PAM: variants seen among roughly 807,000 people sequenced by gnomAD.
PAM encodes the protein peptidyl-glycine alpha-amidating monooxygenase.
In PAM, 72 loss-of-function variants were observed where a neutral mutation model predicts 122.1. The ratio of observed to expected loss-of-function variants is 0.59; its 90% CI spans 0.49 to 0.72. PAM has a LOEUF of 0.72. Among genes scored for constraint, PAM ranks in the 30% least tolerant of loss-of-function variants. The pLI is 0.00. For missense variants in PAM, 1,106 were observed against 1,183.7 expected (o/e 0.93, Z 0.96); for synonymous variants, 389 against 404.4 (o/e 0.96, Z 0.46).
At chr5:103,018,998 G>A (rs1373617482) in intron 22 of PAM, among the ~76,000 whole-genome samples, 2 of 152,198 alleles carry the variant, frequency 1.3e-5, no homozygotes, top group Non-Finnish European at 2.9e-5. Flanking sequence ...AGGAGGCAGA[G>A]CTCAGGTGGT....
At position 103,025,319 on chromosome 5, in the gene PAM, T is replaced by C. The variant is rs983638051; in HGVS notation, c.2674T>C (p.Ser892Pro). The part of the protein sequence containing the change: ...AIAIFIRWKK[S>P]RAFGDSEHKL... ...TGCCATATTTATTCGGTGGAAAAAA[T>C]CAAGGGCCTTTGGAGGCAAGTAAAA... Residue 892 changes from serine (S) to proline (P), a missense_variant, in exon 24 of 26, where the codon TCA becomes CCA. By Grantham distance (74) the Ser-to-Pro change is moderately conservative. Coordinates refer to ENST00000438793, the MANE Select transcript of PAM (RefSeq NM_001177306.2). 6.2e-7 allele frequency: 1 copy of C among 1,613,344 alleles called. No homozygotes were observed. The highest frequency in any genetic ancestry group is 1.3e-5 in the African/African-American group (1 of 74,822).
In PAM at chr5:103,025,061, G is replaced by GT. The variant is rs145927719; in HGVS notation, c.2486-69dup. 1.8e-3 allele frequency: 1,825 copies of GT among 1,022,696 alleles called. 19 individuals carry two copies. In the African/African-American group the frequency reaches 0.025, roughly 14 times the overall value. The allele number at this position is 1,022,696 out of a possible 1,614,324, so 63.4% of individuals were successfully genotyped here. A position where few individuals can be genotyped will look rare whatever the true frequency, so the allele number is the denominator to read the frequency against. The stretch of plus-strand genomic sequence containing the variant: ...TGTGAACAGTTATTGATTTGACTGG[G>GT]TAGGGGTGGGTAAGGGGGTTTTGAA... On this transcript the variant is annotated intron_variant, in intron 23 of 25. Transcript: ENST00000438793.
At chr5:102,774,090 C>T (rs1756509784) in intron 1 of PAM, among the ~76,000 whole-genome samples, 1 of 152,074 alleles carries the variant, frequency 6.6e-6, no homozygotes, top group Admixed American at 6.6e-5. Flanking sequence ...TGTATCCCAC[C>T]ACATTTTCTT....
chr5:102,874,626 T>C (rs963078643), intron 3 of PAM, among the ~76,000 whole-genome samples: 27 of 151,978 alleles, frequency 1.8e-4, no homozygotes, highest in African/African-American at 6.3e-4. Flanking sequence ...CAATCAATTT[T>C]GAGTATGTTT....
intron 1 of PAM, among the ~76,000 whole-genome samples, chr5:102,854,199 G>T (rs997069827): frequency 6.6e-6 from 1 of 152,224 alleles, no homozygotes; most frequent in Admixed American, 6.5e-5. Flanking sequence ...TACATGGAAA[G>T]TATTTAAAAT....
At chr5:102,838,884 A>G (rs1777789667) in intron 1 of PAM, among the ~76,000 whole-genome samples, 1 of 152,170 alleles carries the variant, frequency 6.6e-6, no homozygotes, top group Non-Finnish European at 1.5e-5. Flanking sequence ...GGATTAACTA[A>G]TATGTAATAA....
intron 1 of PAM, among the ~76,000 whole-genome samples, chr5:102,759,923 A>T (rs985445635): frequency 6.6e-6 from 1 of 152,164 alleles, no homozygotes; most frequent in African/African-American, 2.4e-5. Context: ...TTGGAAGCTT[A>T]CCGTGGTCAT....
At chr5:102,925,538 G>T (rs994105837) in intron 6 of PAM, among the ~76,000 whole-genome samples, 3 of 152,086 alleles carry the variant, frequency 2.0e-5, no homozygotes, top group Non-Finnish European at 4.4e-5. Context: ...TTTCTTAAAG[G>T]GTGTGTGTGG....
At chr5:102,981,860 GGGAAT>G (rs1245796201) in intron 15 of PAM, among the ~76,000 whole-genome samples, 7 of 152,124 alleles carry the variant, frequency 4.6e-5, no homozygotes, top group Non-Finnish European at 1.0e-4. Context: ...CATTTGGTGG[GGGAAT>G]GACTTATCCA....
Position 102,946,815 on chromosome 5 carries a change from G to A in PAM, c.527-22G>A, listed in dbSNP as rs747424384. On this transcript the variant is annotated intron_variant, in intron 7 of 25. Transcript: ENST00000438793. ...TTCTACATTATCATATTTAAGATAT[G>A]TGTTTCTATGTGTGTTTTCAGATAA... 9 of 1,459,350 alleles carry A rather than the reference G, an allele frequency of 6.2e-6. No individual in the cohort carries two copies. In the Admixed American group the frequency reaches 6.8e-5, roughly 11 times the overall value. The allele number at this position is 1,459,350 out of a possible 1,614,324, so 90.4% of individuals were successfully genotyped here. A position where few individuals can be genotyped will look rare whatever the true frequency, so the allele number is the denominator to read the frequency against.
At chr5:102,754,866 G>T (rs937362770), upstream of PAM, 1 of 152,336 alleles carries the variant, frequency 6.6e-6, no homozygotes, top group Non-Finnish European at 1.5e-5. Context: ...GAGGGTCAGA[G>T]ACTTTCAGGC....
At chr5:102,830,281 C>T (rs188492515) in intron 1 of PAM, among the ~76,000 whole-genome samples, 50 of 152,178 alleles carry the variant, frequency 3.3e-4, no homozygotes, top group Admixed American at 2.5e-3. Context: ...CACAGCAGGA[C>T]GATTGAAGTC....
intron 12 of PAM, among the ~76,000 whole-genome samples, chr5:102,952,444 A>T (rs1400896087): frequency 6.6e-6 from 1 of 152,126 alleles, no homozygotes; most frequent in Non-Finnish European, 1.5e-5. Context: ...TTATCCTTTC[A>T]CAAATCTCAT....
chr5:102,832,747 A>G (rs1775832929), intron 1 of PAM, among the ~76,000 whole-genome samples: 2 of 152,158 alleles, frequency 1.3e-5, no homozygotes, highest in Admixed American at 1.3e-4. Context: ...AGTTGGAGGA[A>G]TAAGTCCCAG....
intron 1 of PAM, among the ~76,000 whole-genome samples, chr5:102,859,448 A>G (rs1316176316): frequency 1.3e-5 from 2 of 152,114 alleles, no homozygotes; most frequent in African/African-American, 4.8e-5. Flanking sequence ...AAAGATATAC[A>G]GAAAGAAAAT....
intron 1 of PAM, among the ~76,000 whole-genome samples, chr5:102,852,887 A>G (rs1781674260): frequency 6.6e-6 from 1 of 152,218 alleles, no homozygotes; most frequent in African/African-American, 2.4e-5. Flanking sequence ...ATCTTTTAAA[A>G]TGCTTTAGCA....
At chr5:102,997,298 T>C (rs1776005922) in intron 16 of PAM, among the ~76,000 whole-genome samples, 1 of 152,050 alleles carries the variant, frequency 6.6e-6, no homozygotes, top group Non-Finnish European at 1.5e-5. Flanking sequence ...GTTGGGAGAA[T>C]TGCTTGAGCC....
intron 3 of PAM, among the ~76,000 whole-genome samples, chr5:102,885,095 A>ATATATATATATATATATATATATATAT (rs1561760586): frequency 1.5e-5 from 2 of 136,070 alleles, no homozygotes; most frequent in East Asian, 2.3e-4. Context: ...ATATATATAT[A>ATATATATATATATATATATATATATAT]ACTATAAAAG....
At chr5:102,763,732 C>A (rs1444643194) in intron 1 of PAM, among the ~76,000 whole-genome samples, 1 of 152,160 alleles carries the variant, frequency 6.6e-6, no homozygotes, top group Non-Finnish European at 1.5e-5. Flanking sequence ...AGAATGAAAT[C>A]AAGTAACTGA....
Sources: gnomAD v4.1 joint callset for allele counts (sites outside exome capture counted in the v4.1 genomes callset) on GRCh38, gnomAD v4.1.1 for gene constraint, MANE v1.5 for transcripts, NCBI Gene and HGNC (gene_info 2026-07-23, HGNC 2026-07-21) for gene names.